Variants in ZNF385D observed in about 807,000 individuals in gnomAD.
The protein encoded by ZNF385D is zinc finger protein 385D, also known as zinc finger protein 659.
Under a neutral mutation model 35.8 loss-of-function variants are expected in ZNF385D, and 15 were observed. The observed-to-expected ratio is 0.42, with a 90% CI of 0.28 to 0.64. ZNF385D has a LOEUF of 0.64. Ranked by LOEUF, ZNF385D falls within the 30% of genes least tolerant of loss-of-function variation. The pLI is 0.23. For synonymous variants in ZNF385D, 212 were observed against 186.8 expected, an observed-to-expected ratio of 1.13 and a Z score of -1.10; for missense variants, 474 against 494.6, an observed-to-expected ratio of 0.96 and a Z score of 0.39.
chr3:22,030,424 G>C (rs1044496412), intron 3 of ZNF385D, among the ~76,000 whole-genome samples: 1 of 150,174 alleles, frequency 6.7e-6, no homozygotes, highest in African/African-American at 2.5e-5. Flanking sequence ...GGATAAGCAA[G>C]TAACTTTTTT....
chr3:21,675,293 G>A (rs1559509126), intron 1 of ZNF385D, among the ~76,000 whole-genome samples: 1 of 151,588 alleles, frequency 6.6e-6, no homozygotes, highest in Non-Finnish European at 1.5e-5. Context: ...TTCATTTTTA[G>A]GTGTAAATTT....
intron 3 of ZNF385D, among the ~76,000 whole-genome samples, chr3:22,165,545 T>G (rs1377518445): frequency 2.0e-5 from 3 of 152,226 alleles, no homozygotes; most frequent in East Asian, 1.9e-4. Flanking sequence ...CTGATGGCAG[T>G]TGGCAGTATT....
chr3:21,920,987 G>A (rs10865779), intron 3 of ZNF385D, among the ~76,000 whole-genome samples: 81,093 of 151,540 alleles, frequency 0.54, 23,755 homozygotes, highest in South Asian at 0.66. Flanking sequence ...AGGCTGAGGC[G>A]GGCGGATCAT....
At chr3:21,768,866 T>C (rs2070951429) in intron 3 of ZNF385D, among the ~76,000 whole-genome samples, 1 of 151,792 alleles carries the variant, frequency 6.6e-6, no homozygotes, top group South Asian at 2.1e-4. Context: ...TTGATTATTC[T>C]ATATTTCTTC....
At chr3:21,857,414 T>C (rs769230398) in intron 3 of ZNF385D, among the ~76,000 whole-genome samples, 7 of 152,068 alleles carry the variant, frequency 4.6e-5, no homozygotes, top group Non-Finnish European at 1.0e-4. Context: ...ATAACTCTAT[T>C]TAAGTAGTTT....
intron 3 of ZNF385D, among the ~76,000 whole-genome samples, chr3:22,012,606 CTA>C (rs34395816): frequency 0.29 from 43,374 of 151,830 alleles, 6,581 homozygotes; most frequent in South Asian, 0.42. Flanking sequence ...AAATGATTAA[CTA>C]ATGAGATAGG....
chr3:21,767,334 C>T (rs1401390989), intron 3 of ZNF385D, among the ~76,000 whole-genome samples: 1 of 151,690 alleles, frequency 6.6e-6, no homozygotes, highest in Non-Finnish European at 1.5e-5. Context: ...ATTCTTTCTC[C>T]TTTTAGCTCA....
chr3:22,230,275 A>G (rs1698808224), intron 2 of ZNF385D, among the ~76,000 whole-genome samples: 1 of 152,202 alleles, frequency 6.6e-6, no homozygotes, highest in South Asian at 2.1e-4. Flanking sequence ...ATATTTTACA[A>G]TTGGATTTAT....
chr3:21,859,704 C>G (rs776202924), intron 3 of ZNF385D, among the ~76,000 whole-genome samples: 21 of 148,700 alleles, frequency 1.4e-4, no homozygotes, highest in Non-Finnish European at 2.8e-4. Context: ...TTGTGAGGTG[C>G]TGACCTCACT....
intron 3 of ZNF385D, among the ~76,000 whole-genome samples, chr3:22,023,864 G>C (rs898552176): frequency 2.0e-5 from 3 of 151,982 alleles, no homozygotes; most frequent in South Asian, 2.1e-4. Flanking sequence ...AATGATGTTA[G>C]GTTCATTAAA....
chr3:22,347,093 AAGAG>A (rs575430442), intron 2 of ZNF385D, among the ~76,000 whole-genome samples: 9 of 145,714 alleles, frequency 6.2e-5, no homozygotes, highest in African/African-American at 2.3e-4. Context: ...AAGTGACATA[AAGAG>A]AGAGACACAT....
At chr3:22,223,203 C>T (rs1698361178) in intron 2 of ZNF385D, among the ~76,000 whole-genome samples, 1 of 152,016 alleles carries the variant, frequency 6.6e-6, no homozygotes, top group Non-Finnish European at 1.5e-5. Context: ...GTGTTCAGCT[C>T]ATCTTAAATC....
intron 3 of ZNF385D, among the ~76,000 whole-genome samples, chr3:21,908,110 T>TTATA (rs1699775975): frequency 7.3e-6 from 1 of 137,596 alleles, no homozygotes. Context: ...CTATATATCT[T>TTATA]TCTCTCTATA....
chr3:21,916,735 C>T (rs952478494), intron 3 of ZNF385D, among the ~76,000 whole-genome samples: 1 of 152,190 alleles, frequency 6.6e-6, no homozygotes, highest in Non-Finnish European at 1.5e-5. Flanking sequence ...TTACCCATTC[C>T]TTATTGTTTG....
chr3:22,074,745 C>G (rs1381969228), intron 3 of ZNF385D, among the ~76,000 whole-genome samples: 2 of 151,972 alleles, frequency 1.3e-5, no homozygotes, highest in African/African-American at 4.8e-5. Context: ...CTTCCCGACA[C>G]TGTTCAATCT....
chr3:21,431,926 T>A (rs146382108), intron 5 of ZNF385D, among the ~76,000 whole-genome samples: 259 of 152,298 alleles, frequency 1.7e-3, no homozygotes, highest in African/African-American at 5.8e-3. Flanking sequence ...ATGGACTTCT[T>A]GAAGACAATG....
At chr3:21,657,449 C>CT (rs1236844170) in intron 2 of ZNF385D, among the ~76,000 whole-genome samples, 1 of 151,926 alleles carries the variant, frequency 6.6e-6, no homozygotes, top group African/African-American at 2.4e-5. Context: ...AGCTACAGGA[C>CT]TCAGCAAACA....
chr3:21,786,130 A>C (rs2071679819), intron 3 of ZNF385D, among the ~76,000 whole-genome samples: 1 of 152,086 alleles, frequency 6.6e-6, no homozygotes, highest in Non-Finnish European at 1.5e-5. Flanking sequence ...TAAACTGTTC[A>C]ACATCACAAA....
At position 22,014,388 on chromosome 3, in the gene ZNF385D, A is replaced by C. The variant is rs73822814; in HGVS notation, c.325+154429T>G. Among the ~76,000 whole-genome samples, 1,152 of 152,274 alleles carry C rather than the reference A, an allele frequency of 7.6e-3. 15 individuals are homozygous for C. The highest frequency in any genetic ancestry group is 0.026 in the African/African-American group (1,094 of 41,556). On this transcript the variant is annotated intron_variant, in intron 3 of 5. Coordinates refer to the ZNF385D transcript ENST00000494108. ...CACCTGCCTAGACAGTGAAATCTCGAAAGATAACAATCCTACAAGATGCCA... is the reference window on the plus strand; with the variant it reads ...CACCTGCCTAGACAGTGAAATCTCGCAAGATAACAATCCTACAAGATGCCA...
Sources: allele counts gnomAD v4.1 joint callset (sites outside exome capture counted in the v4.1 genomes callset), GRCh38; gene constraint gnomAD v4.1.1; transcripts MANE v1.5; gene names NCBI Gene and HGNC (gene_info 2026-07-23, HGNC 2026-07-21).